KLHL20: variants seen among roughly 807,000 people sequenced by gnomAD.
The protein encoded by KLHL20 is kelch-like protein 20.
Under a neutral mutation model 69.5 loss-of-function variants are expected in KLHL20, and 29 were observed. That is an observed-to-expected ratio of 0.42 (90% CI 0.31 to 0.57). KLHL20 has a LOEUF of 0.57. Ranked by LOEUF, KLHL20 falls within the 20% of genes least tolerant of loss-of-function variation. The probability of loss-of-function intolerance (pLI) is 0.18; values close to 1 mark genes in which losing one functional copy is unlikely to be tolerated. For synonymous variants in KLHL20, 253 were observed against 265.2 expected (o/e 0.95, Z 0.45); for missense variants, 419 against 776.0 (o/e 0.54, Z 5.47).
rs745764816 is a variant in KLHL20, at chr1:173,775,690, C to T, written c.1486C>T (p.Arg496Trp). The T allele has an allele frequency of 5.0e-6, 8 of 1,614,142 alleles. No individual in the cohort carries two copies. The highest frequency in any genetic ancestry group is 6.8e-6 in the Non-Finnish European group (8 of 1,180,014). Residue 496 changes from arginine to tryptophan, a missense_variant, in exon 10 of 12, where the codon CGG becomes TGG. Transcript: ENST00000209884. The part of the protein sequence containing the change: ...RWHTIAPMGT[R>W]RKHLGCAVYQ... ...GCACACTATAGCCCCTATGGGGACC[C>T]GGAGGAAACACCTAGGCTGTGCAGT...
Position 173,766,129 on chromosome 1 carries a change from T to TTTCA in KLHL20, c.1152-17_1152-16insTTCA. ...CTTTGTGTAATACAAACTCTCCTCT[T>TTTCA]GGTATGTTCTTTTCAGGTATGACCC... On this transcript the variant is annotated splice_polypyrimidine_tract_variant and intron_variant, in intron 7 of 11. Coordinates refer to ENST00000209884, the MANE Select transcript of KLHL20 (RefSeq NM_014458.4). The TTTCA allele has an allele frequency of 6.4e-7, 1 of 1,564,458 alleles. No homozygotes were observed. Among genetic ancestry groups the TTTCA allele is most frequent in the Non-Finnish European group, 8.6e-7 (1 of 1,159,796 alleles).
chr1:173,732,575 G>A (rs1023893890), intron 2 of KLHL20, among the ~76,000 whole-genome samples: 1 of 152,088 alleles, frequency 6.6e-6, no homozygotes, highest in African/African-American at 2.4e-5. Flanking sequence ...AATGTATGCT[G>A]TTACTTTCTA....
chr1:173,726,793 T>C (rs917448869), intron 2 of KLHL20, among the ~76,000 whole-genome samples: 1 of 151,806 alleles, frequency 6.6e-6, no homozygotes, highest in Admixed American at 6.6e-5. Context: ...ACCACAAAGA[T>C]GGGGAAAAAA....
chr1:173,765,227 G>A (rs1647614293), intron 7 of KLHL20, among the ~76,000 whole-genome samples: 1 of 152,180 alleles, frequency 6.6e-6, no homozygotes, highest in Admixed American at 6.5e-5. Flanking sequence ...TACTCGGCCG[G>A]ACATGGTGGC....
intron 8 of KLHL20, among the ~76,000 whole-genome samples, chr1:173,771,664 A>G (rs1648101565): frequency 6.6e-6 from 1 of 152,172 alleles, no homozygotes; most frequent in African/African-American, 2.4e-5. Context: ...GCGACTCAGA[A>G]GGCTAAGACA....
chr1:173,750,569 T>A (rs1673261313), intron 3 of KLHL20, among the ~76,000 whole-genome samples: 1 of 150,960 alleles, frequency 6.6e-6, no homozygotes, highest in South Asian at 2.1e-4. Context: ...TACTGCAACC[T>A]CTGTCTCCCG....
intron 2 of KLHL20, 48 bp from the exon 3 acceptor site, chr1:173,733,665 C>T: frequency 1.5e-6 from 2 of 1,364,332 alleles, no homozygotes; most frequent in Non-Finnish European, 2.0e-6. Flanking sequence ...GAGAAAAGAG[C>T]TTATAATAAT....
chr1:173,729,045 T>C (rs1238305929), intron 2 of KLHL20, among the ~76,000 whole-genome samples: 2 of 151,904 alleles, frequency 1.3e-5, no homozygotes, highest in Admixed American at 6.6e-5. Flanking sequence ...AAAGGGGATA[T>C]CACCACCGAT....
At chr1:173,727,234 G>C (rs1672018697) in intron 2 of KLHL20, among the ~76,000 whole-genome samples, 1 of 151,738 alleles carries the variant, frequency 6.6e-6, no homozygotes, top group Non-Finnish European at 1.5e-5. Flanking sequence ...AAGCCTCCAA[G>C]AAATATCGGA....
At chr1:173,750,572 GT>G in intron 3 of KLHL20, among the ~76,000 whole-genome samples, 1 of 149,462 alleles carries the variant, frequency 6.7e-6, no homozygotes, top group Non-Finnish European at 1.5e-5. Flanking sequence ...TGCAACCTCT[GT>G]CTCCCGCGTT....
At chr1:173,722,979 C>T (rs1046709770) in intron 2 of KLHL20, among the ~76,000 whole-genome samples, 23 of 152,052 alleles carry the variant, frequency 1.5e-4, no homozygotes, top group Admixed American at 1.3e-4. Context: ...TGTGAGCCAC[C>T]GCGCCTGGCA....
At position 173,785,266 on chromosome 1, in the gene KLHL20, T is replaced by G. The variant is rs903367328; in HGVS notation, c.*19T>G. 6.4e-7 allele frequency: 1 copy of G among 1,564,156 alleles called. No individual in the cohort carries two copies. The highest frequency in any genetic ancestry group is 2.3e-5 in the East Asian group (1 of 43,652). On this transcript the variant is annotated 3_prime_UTR_variant, in exon 12 of 12. Transcript: ENST00000209884. ...TTGGTGAACACAGAGAAGACAGTCT[T>G]GTATATATTCCTCTGTATTCTGGGG...
At chr1:173,739,515 A>G (rs2102480486) in intron 3 of KLHL20, among the ~76,000 whole-genome samples, 1 of 151,884 alleles carries the variant, frequency 6.6e-6, no homozygotes, top group South Asian at 2.1e-4. Context: ...TTCCTGGTTT[A>G]ATTTAGGAGG....
At chr1:173,776,744 A>T (rs1356522604) in intron 10 of KLHL20, among the ~76,000 whole-genome samples, 3 of 152,078 alleles carry the variant, frequency 2.0e-5, no homozygotes, top group African/African-American at 7.2e-5. Flanking sequence ...GTATAGGTTT[A>T]TTTCTGGGTT....
At chr1:173,715,392 G>A (rs989964364) in intron 1 of KLHL20, 9 of 152,634 alleles carry the variant, frequency 5.9e-5, no homozygotes, top group South Asian at 2.1e-4. Flanking sequence ...AAGAAAGTAC[G>A]TGCGCCCCCA....
intron 8 of KLHL20, among the ~76,000 whole-genome samples, chr1:173,769,764 G>A (rs1187031658): frequency 7.3e-6 from 1 of 136,134 alleles, no homozygotes; most frequent in Non-Finnish European, 1.5e-5. Flanking sequence ...CAGGGTAATA[G>A]AGTGAGACCC....
At chr1:173,772,450 C>CT (rs1241105129) in intron 8 of KLHL20, among the ~76,000 whole-genome samples, 1 of 152,084 alleles carries the variant, frequency 6.6e-6, no homozygotes, top group Non-Finnish European at 1.5e-5. Flanking sequence ...CTTTTTAAGA[C>CT]TAATTGGTTG....
At chr1:173,755,861 A>G (rs945162053) in intron 5 of KLHL20, 62 bp from the exon 6 acceptor site, 19 of 1,104,560 alleles carry the variant, frequency 1.7e-5, no homozygotes, top group Non-Finnish European at 2.4e-5. Flanking sequence ...CCTAAACTAC[A>G]TTGGGACTTA....
chr1:173,728,108 T>C (rs1672067999), intron 2 of KLHL20, among the ~76,000 whole-genome samples: 1 of 152,092 alleles, frequency 6.6e-6, no homozygotes, highest in African/African-American at 2.4e-5. Flanking sequence ...TAGTCTCTGA[T>C]AAAACAGACT....
Sources: gnomAD v4.1 joint callset for allele counts (sites outside exome capture counted in the v4.1 genomes callset) on GRCh38, gnomAD v4.1.1 for gene constraint, MANE v1.5 for transcripts, NCBI Gene and HGNC (gene_info 2026-07-23, HGNC 2026-07-21) for gene names.